The following ANKRD24 variants were observed in gnomAD, a reference collection of about 807,000 sequenced individuals.
ANKRD24 encodes the protein ankyrin repeat domain-containing protein 24.
In ANKRD24, 109 loss-of-function variants were observed where a neutral mutation model predicts 127.8. That is an observed-to-expected ratio of 0.85 (90% CI 0.73 to 1.00). ANKRD24 has a LOEUF of 1.00. Ranked by LOEUF, ANKRD24 falls within the 50% of genes least tolerant of loss-of-function variation. The probability of loss-of-function intolerance (pLI) is 0.00; values close to 1 mark genes in which losing one functional copy is unlikely to be tolerated. For synonymous variants in ANKRD24, 743 were observed against 671.1 expected, an observed-to-expected ratio of 1.11 and a Z score of -1.66; for missense variants, 1,648 against 1,570.2, an observed-to-expected ratio of 1.05 and a Z score of -0.84.
At position 4,193,531 on chromosome 19, in the gene ANKRD24, C is replaced by A. The variant is rs377020368; in HGVS notation, c.37-6152C>A. ...GGCTACTATGGCAGCATGGATTACA[C>A]CGAGGGAAATGTAAATGGAGATGAT... On this transcript the variant is annotated intron_variant, in intron 2 of 21. Coordinates refer to ENST00000318934, the MANE Select transcript of ANKRD24 (RefSeq NM_001393985.1). Among the ~76,000 whole-genome samples, 645 of 150,974 alleles carry A rather than the reference C, an allele frequency of 4.3e-3. 3 individuals carry two copies. Among genetic ancestry groups the A allele is most frequent in the South Asian group, 0.011 (54 of 4,758 alleles).
In ANKRD24 at chr19:4,200,013, C is replaced by G; in HGVS notation, c.254+8C>G. The G allele has an allele frequency of 6.4e-7, 1 of 1,562,500 alleles. No individual in the cohort carries two copies. The highest frequency in any genetic ancestry group is 2.4e-5 in the East Asian group (1 of 41,998). ...CCCCGAGGGCAAGTCCGCGTGAGTG[C>G]CCGCGACCCGGGAGTGAGATGGCTG... On this transcript the variant is annotated splice_region_variant and intron_variant, in intron 4 of 21. Transcript: ENST00000318934.
Position 4,216,741 on chromosome 19 carries a change from G to A in ANKRD24, c.1581G>A (p.Gly527=). The A allele has an allele frequency of 6.3e-7, 1 of 1,579,512 alleles. No homozygotes were observed. ...CCAGAGAAGAGGGGGCAGCCTGTGG[G>A]GAGAGTGAGGTTGCTGGAGCCACGG... ...EVPREEGAAC[G]ESEVAGATAT... Residue 527 remains glycine, a synonymous_variant, in exon 18 of 22, where the codon GGG becomes GGA. Transcript: ENST00000318934.
rs373151126 is a variant in ANKRD24, at chr19:4,223,092, C to T, written c.3297+297C>T. Among the ~76,000 whole-genome samples the T allele has an allele frequency of 7.4e-4, 113 of 151,980 alleles. 1 individual carries two copies. The East Asian group carries it at 9.2e-3, about 12-fold the overall frequency. ...TCCTGCGTAGCTGGAATTACAGGCA[C>T]GCACCACCACACCCAGCTAATTTTT... On this transcript the variant is annotated intron_variant, in intron 20 of 21. Transcript: ENST00000318934.
chr19:4,223,832 G>A (rs11669488), intron 20 of ANKRD24, among the ~76,000 whole-genome samples: 52,082 of 151,330 alleles, frequency 0.34, 10,162 homozygotes, highest in East Asian at 0.45. Context: ...CCAAAGTGCT[G>A]GGATTACAGG....
In ANKRD24 at chr19:4,198,330, GGGGCGGCACCAGGGA is replaced by G; in HGVS notation, c.37-1346_37-1332del. 2.4e-6 allele frequency: 1 copy of G among 409,254 alleles called. No individual in the cohort carries two copies. Among genetic ancestry groups the G allele is most frequent in the Non-Finnish European group, 4.3e-6 (1 of 232,512 alleles). The allele number at this position is 409,254 out of a possible 1,614,324, so 25.4% of individuals were successfully genotyped here. ...GGCTGGCGAGGAGGGCAAGGGGGAG[GGGGCGGCACCAGGGA>G]GGGCGGGACCGGGCGGGCGGGCGGG... On this transcript the variant is annotated intron_variant, in intron 2 of 21. Transcript: ENST00000318934. The surrounding 1 kb of genome is among the most constrained non-coding windows in gnomAD (Gnocchi z 6.1).
chr19:4,219,374 G>A (rs1233484370), intron 18 of ANKRD24, among the ~76,000 whole-genome samples: 1 of 152,216 alleles, frequency 6.6e-6, no homozygotes, highest in East Asian at 1.9e-4. Flanking sequence ...GGCCGAGGTG[G>A]GAGGATCACT....
rs539232952 is a variant in ANKRD24 at position 4,195,014 on chromosome 19, C to T, written c.37-4669C>T. Among the ~76,000 whole-genome samples the T allele has an allele frequency of 2.6e-5, 4 of 152,126 alleles. No homozygotes were observed. The East Asian group carries it at 7.8e-4, about 30-fold the overall frequency. On this transcript the variant is annotated intron_variant, in intron 2 of 21. Transcript: ENST00000318934. This position sits in a 1 kb window ranked among gnomAD's most constrained non-coding sequence, Gnocchi z 4.2. ...ATGGAGTCTCGCTGTGTCTCCCAGG[C>T]TGGAGTGCAGTGGTGCGATCTCGGC...
intron 5 of ANKRD24, among the ~76,000 whole-genome samples, chr19:4,200,698 T>G (rs904415984): frequency 3.9e-5 from 6 of 152,060 alleles, no homozygotes; most frequent in Non-Finnish European, 7.4e-5. Flanking sequence ...ATTTTTCTAT[T>G]CTTAGTAGGG....
chr19:4,203,797 C>T (rs1162971203), intron 7 of ANKRD24, among the ~76,000 whole-genome samples: 2 of 151,944 alleles, frequency 1.3e-5, no homozygotes, highest in Non-Finnish European at 2.9e-5. Flanking sequence ...CAGACCTATG[C>T]CACAACACCC....
At chr19:4,208,659 T>C (rs1031836957) in intron 10 of ANKRD24, 105 bp from the exon 11 acceptor site, 4 of 1,142,764 alleles carry the variant, frequency 3.5e-6, no homozygotes, top group Non-Finnish European at 5.0e-6. Flanking sequence ...TTAAACGCCC[T>C]GATTCTTGGG....
At chr19:4,191,310 G>A (rs1035768603) in intron 2 of ANKRD24, among the ~76,000 whole-genome samples, 1 of 28,906 alleles carries the variant, frequency 3.5e-5, no homozygotes, top group Non-Finnish European at 1.0e-4. Context: ...ATGACTGCAG[G>A]GGCCAGGCCC....
In ANKRD24 at chr19:4,222,926, G is replaced by A. The variant is rs549323781; in HGVS notation, c.3297+131G>A. On this transcript the variant is annotated intron_variant, in intron 20 of 21. Transcript: ENST00000318934. ...TAGGCAGGTGGGGTCCACATCACAT[G>A]CACGGCATGGCCAGGAAATACTTCC... is the stretch of plus-strand genomic sequence containing the variant. The A allele has an allele frequency of 5.8e-6, 6 of 1,042,230 alleles. No homozygotes were observed. The East Asian group carries it at 1.4e-4, about 25-fold the overall frequency. 64.6% of individuals were successfully genotyped at this position (1,042,230 alleles called of 1,614,324 possible). A position where few individuals can be genotyped will look rare whatever the true frequency, so the allele number is the denominator to read the frequency against.
At chr19:4,188,378 ATTTTTTTTTT>A (rs34131628) in intron 2 of ANKRD24, among the ~76,000 whole-genome samples, 1 of 83,596 alleles carries the variant, frequency 1.2e-5, no homozygotes, top group Admixed American at 1.5e-4. Context: ...CGCTTGGTCC[ATTTTTTTTTT>A]TTTTTTTTTT....
At position 4,205,731 on chromosome 19, in the gene ANKRD24, C is replaced by G. The variant is rs142422707; in HGVS notation, c.467-1511C>G. Among the ~76,000 whole-genome samples the G allele has an allele frequency of 2.4e-4, 37 of 152,234 alleles. No individual in the cohort carries two copies. In the East Asian group the frequency reaches 7.0e-3, roughly 29 times the overall value. On this transcript the variant is annotated intron_variant, in intron 7 of 21. Coordinates refer to ENST00000318934, the MANE Select transcript of ANKRD24 (RefSeq NM_001393985.1). ...GGCGTGATGGCTCATGCCTATAATC[C>G]CAGCTACTCGGGAGGCTGAGGCAGG...
chr19:4,206,559 C>T (rs1019949049), intron 7 of ANKRD24, among the ~76,000 whole-genome samples: 6 of 150,762 alleles, frequency 4.0e-5, no homozygotes, highest in South Asian at 4.2e-4. Context: ...CTTGGGAGGC[C>T]GAGGCAGGAG....
chr19:4,216,025 G>C lies in ANKRD24; in HGVS notation c.1245G>C (p.Glu415Asp). The change falls in exon 16 of 22, where the codon GAG (glutamate) becomes GAC (aspartate). Residue 415 changes from glutamate to aspartate, a missense_variant. Transcript: ENST00000318934. ...ATGACGTAACCACCCTGCAGGATGA[G>C]GAGGGTGAGCTGCCTGACCTTCCAG... ...TSYDVTTLQD[E>D]EGELPDLPGA... is the part of the protein sequence containing the mutation. 1 of 1,600,750 alleles carries C rather than the reference G, an allele frequency of 6.2e-7. No homozygotes were observed. The highest frequency in any genetic ancestry group is 8.5e-7 in the Non-Finnish European group (1 of 1,174,288).
chr19:4,183,380 CAT>C lies in ANKRD24; in HGVS notation c.-37+641_-37+642del, dbSNP rs878946210. 3.3e-5 allele frequency: 32 copies of C among 981,946 alleles called. No homozygotes were observed. In the South Asian group the frequency reaches 1.2e-3, roughly 36 times the overall value. The allele number at this position is 981,946 out of a possible 1,614,324, so 60.8% of individuals were successfully genotyped here. A position where few individuals can be genotyped will look rare whatever the true frequency, so the allele number is the denominator to read the frequency against. ...TGGCCTGGAGGACTCATTTAAGAAT[CAT>C]GTGTTGAGTACCTACTTTGTACTGG... On this transcript the variant is annotated intron_variant, in intron 1 of 21. Coordinates refer to ENST00000318934, the MANE Select transcript of ANKRD24 (RefSeq NM_001393985.1).
intron 2 of ANKRD24, among the ~76,000 whole-genome samples, chr19:4,191,475 T>TTTTA (rs968764781): frequency 2.0e-4 from 31 of 152,024 alleles, no homozygotes; most frequent in South Asian, 8.3e-4. Context: ...TTTCTTTTAT[T>TTTTA]TTTATTTATT....
At chr19:4,207,155 C>T in intron 7 of ANKRD24, 87 bp from the exon 8 acceptor site, 5 of 1,102,774 alleles carry the variant, frequency 4.5e-6, no homozygotes, top group Non-Finnish European at 6.7e-6. Context: ...AACTCCAGAA[C>T]TCAAGCGAAC....
Sources: allele counts gnomAD v4.1 joint callset (sites outside exome capture counted in the v4.1 genomes callset), GRCh38; gene constraint gnomAD v4.1.1; non-coding constraint Gnocchi (gnomAD v3.1); transcripts MANE v1.5; gene names NCBI Gene and HGNC (gene_info 2026-07-23, HGNC 2026-07-21).